Variants in OR7E24 observed in about 807,000 individuals in gnomAD.
The protein encoded by OR7E24 is olfactory receptor family 7 subfamily E member 24.
For synonymous variants in OR7E24, 130 were observed against 157.5 expected, an observed-to-expected ratio of 0.83 and a Z score of 1.31; for missense variants, 385 against 410.3, an observed-to-expected ratio of 0.94 and a Z score of 0.53.
the OR7E24 span, chr19:9,214,829 T>C: frequency 6.3e-7 from 1 of 1,596,936 alleles, no homozygotes; most frequent in Non-Finnish European, 8.5e-7. Context: ...TAAGGTTTTC[T>C]GCTTCCATGT....
At position 9,252,122 on chromosome 19, in the gene OR7E24, T is replaced by C; in HGVS notation, c.*59T>C. 4 of 1,461,312 alleles carry C rather than the reference T, an allele frequency of 2.7e-6. No individual in the cohort carries two copies. In the East Asian group the frequency reaches 9.1e-5, roughly 33 times the overall value. 90.5% of individuals were successfully genotyped at this position (1,461,312 alleles called of 1,614,324 possible). The stretch of plus-strand genomic sequence containing the variant: ...AATTCTGCCTCCTTGGTCACATTAT[T>C]TTGGTTGCTTGATGGCTTTCATTCC... On this transcript the variant is annotated 3_prime_UTR_variant, in exon 1 of 1. Transcript: ENST00000456448.
the OR7E24 span, among the ~76,000 whole-genome samples, chr19:9,223,788 C>G: frequency 6.7e-6 from 1 of 148,860 alleles, no homozygotes; most frequent in Non-Finnish European, 1.5e-5. Flanking sequence ...CCAATGGACC[C>G]TAGGTACAAG....
At chr19:9,242,608 C>A (rs1000380054), upstream of OR7E24, among the ~76,000 whole-genome samples, 4 of 152,178 alleles carry the variant, frequency 2.6e-5, no homozygotes, top group African/African-American at 4.8e-5. Flanking sequence ...AAGGAAGAAG[C>A]AGATAGAGGT....
chr19:9,237,244 T>G, the OR7E24 span, among the ~76,000 whole-genome samples: 3 of 152,094 alleles, frequency 2.0e-5, no homozygotes, highest in African/African-American at 7.2e-5. Flanking sequence ...CTTTCTCCCT[T>G]CTTTATCTTA....
chr19:9,235,841 G>T, the OR7E24 span: 2 of 1,610,044 alleles, frequency 1.2e-6, no homozygotes. Context: ...TCCACCGAGG[G>T]CAAGTACAAA....
At chr19:9,219,436 A>G in the OR7E24 span, 2 of 152,226 alleles carry the variant, frequency 1.3e-5, no homozygotes, top group African/African-American at 2.4e-5. Flanking sequence ...CATAGACTCA[A>G]TAAGTATGGG....
chr19:9,237,600 C>T, the OR7E24 span, among the ~76,000 whole-genome samples: 1 of 152,176 alleles, frequency 6.6e-6, no homozygotes, highest in Non-Finnish European at 1.5e-5. Context: ...CAGGCATGAG[C>T]CACCGCGCCC....
At chr19:9,216,443 G>T in the OR7E24 span, among the ~76,000 whole-genome samples, 1 of 152,124 alleles carries the variant, frequency 6.6e-6, no homozygotes, top group African/African-American at 2.4e-5. Context: ...AACTGTCTTA[G>T]CTGCAGCTAC....
chr19:9,235,350 G>T, the OR7E24 span: 2 of 1,386,450 alleles, frequency 1.4e-6, no homozygotes, highest in South Asian at 2.3e-5. Context: ...TGTCCTTTGT[G>T]GACACCTGTT....
At chr19:9,231,775 T>C in the OR7E24 span, among the ~76,000 whole-genome samples, 1 of 152,226 alleles carries the variant, frequency 6.6e-6, no homozygotes, top group African/African-American at 2.4e-5. Flanking sequence ...TTGCTATTAA[T>C]AGGAGTCTTA....
chr19:9,242,268 G>A, the OR7E24 span, among the ~76,000 whole-genome samples: 1 of 151,636 alleles, frequency 6.6e-6, no homozygotes, highest in African/African-American at 2.4e-5. Flanking sequence ...GTTTTGTTTT[G>A]AGACACAGTT....
the OR7E24 span, chr19:9,212,913 C>T: frequency 6.6e-6 from 1 of 152,092 alleles, no homozygotes; most frequent in South Asian, 2.1e-4. Context: ...CCACTGTGCC[C>T]CGAAAATTTT....
the OR7E24 span, chr19:9,235,906 G>A: frequency 3.7e-6 from 6 of 1,608,556 alleles, no homozygotes; most frequent in Non-Finnish European, 5.1e-6. Flanking sequence ...CTATGGAACA[G>A]GACTTGGGGT....
At chr19:9,237,908 C>T in the OR7E24 span, among the ~76,000 whole-genome samples, 1 of 152,150 alleles carries the variant, frequency 6.6e-6, no homozygotes, top group Non-Finnish European at 1.5e-5. Context: ...TTTATAGAAG[C>T]TGGCACATTG....
the OR7E24 span, chr19:9,207,177 C>A: frequency 2.6e-5 from 4 of 152,110 alleles, no homozygotes; most frequent in African/African-American, 9.7e-5. Flanking sequence ...GATTTATATA[C>A]GTATAGATTT....
the OR7E24 span, chr19:9,235,337 A>G: frequency 3.0e-6 from 4 of 1,337,932 alleles, no homozygotes; most frequent in East Asian, 6.9e-5. Flanking sequence ...TTCCTCTCCA[A>G]CTTGTCCTTT....
chr19:9,245,559 T>C (rs2066126793), upstream of OR7E24, among the ~76,000 whole-genome samples: 1 of 152,174 alleles, frequency 6.6e-6, no homozygotes, highest in South Asian at 2.1e-4. Flanking sequence ...GGTGCATACT[T>C]AAAAGGATCG....
chr19:9,216,379 C>A, the OR7E24 span, among the ~76,000 whole-genome samples: 1 of 152,120 alleles, frequency 6.6e-6, no homozygotes, highest in Admixed American at 6.5e-5. Flanking sequence ...GGGACACAGC[C>A]AAACTATGTG....
the OR7E24 span, among the ~76,000 whole-genome samples, chr19:9,231,004 G>A: frequency 3.9e-5 from 6 of 152,126 alleles, no homozygotes; most frequent in East Asian, 9.7e-4. Flanking sequence ...CTCCGCCTCC[G>A]CCTTCAAGTG....
Sources: gnomAD v4.1 joint callset for allele counts (sites outside exome capture counted in the v4.1 genomes callset) on GRCh38, gnomAD v4.1.1 for gene constraint, MANE v1.5 for transcripts, NCBI Gene and HGNC (gene_info 2026-07-23, HGNC 2026-07-21) for gene names.